ARHGAP42: variants seen among roughly 807,000 people sequenced by gnomAD.
ARHGAP42 encodes rho GTPase-activating protein 42.
ARHGAP42 carries 63 observed loss-of-function variants against 125.0 expected under a neutral mutation model. The ratio of observed to expected loss-of-function variants is 0.50; its 90% CI spans 0.41 to 0.62. ARHGAP42 has a LOEUF of 0.62. Among genes scored for constraint, ARHGAP42 ranks in the 20% least tolerant of loss-of-function variants. The pLI, the probability that ARHGAP42 is intolerant of heterozygous loss-of-function variation, is 0.00. For missense variants in ARHGAP42, 766 were observed against 1,024.2 expected, an observed-to-expected ratio of 0.75 and a Z score of 3.44; for synonymous variants, 339 against 351.0, an observed-to-expected ratio of 0.97 and a Z score of 0.38.
At chr11:100,750,662 A>G (rs1438026418) in intron 1 of ARHGAP42, among the ~76,000 whole-genome samples, 1 of 152,032 alleles carries the variant, frequency 6.6e-6, no homozygotes, top group Non-Finnish European at 1.5e-5. Flanking sequence ...TTTGGCGGGA[A>G]AAATGGTTAT....
intron 3 of ARHGAP42, among the ~76,000 whole-genome samples, chr11:100,798,331 G>C (rs1228582161): frequency 6.6e-6 from 1 of 152,186 alleles, no homozygotes; most frequent in East Asian, 1.9e-4. Context: ...GAAATTTTCT[G>C]TGAAAGGAAG....
At chr11:100,733,923 C>A (rs1591135777) in intron 1 of ARHGAP42, among the ~76,000 whole-genome samples, 1 of 141,674 alleles carries the variant, frequency 7.1e-6, no homozygotes, top group African/African-American at 2.6e-5. Flanking sequence ...CCTTCCAAAG[C>A]AAAGTTGTTT....
chr11:100,742,259 A>G (rs1862203843), intron 1 of ARHGAP42, among the ~76,000 whole-genome samples: 1 of 152,218 alleles, frequency 6.6e-6, no homozygotes. Flanking sequence ...ACTGATTGTC[A>G]AACTGGCATC....
chr11:100,769,193 A>C (rs1057108474), intron 1 of ARHGAP42, among the ~76,000 whole-genome samples: 3 of 152,178 alleles, frequency 2.0e-5, no homozygotes, highest in African/African-American at 7.2e-5. Flanking sequence ...GGGCAGCTAC[A>C]GTATAGTCTA....
At chr11:100,739,809 G>A (rs886072435) in intron 1 of ARHGAP42, among the ~76,000 whole-genome samples, 6 of 151,982 alleles carry the variant, frequency 3.9e-5, no homozygotes, top group Non-Finnish European at 8.8e-5. Context: ...TTGTTCCAAG[G>A]GTTCCTTACT....
At chr11:100,778,813 C>G (rs1309150582) in intron 2 of ARHGAP42, among the ~76,000 whole-genome samples, 1 of 152,158 alleles carries the variant, frequency 6.6e-6, no homozygotes, top group Non-Finnish European at 1.5e-5. Flanking sequence ...GAAAACTTGT[C>G]ATGTCACAAG....
chr11:100,872,155 T>A (rs1865712081), intron 4 of ARHGAP42, among the ~76,000 whole-genome samples: 1 of 152,242 alleles, frequency 6.6e-6, no homozygotes, highest in African/African-American at 2.4e-5. Flanking sequence ...AAATTGAATA[T>A]GAAGCCCCCA....
intron 4 of ARHGAP42, among the ~76,000 whole-genome samples, chr11:100,889,684 A>G (rs1043125287): frequency 6.6e-6 from 1 of 152,136 alleles, no homozygotes; most frequent in Non-Finnish European, 1.5e-5. Context: ...GTTTCTATTA[A>G]CCTATAGGTA....
intron 4 of ARHGAP42, among the ~76,000 whole-genome samples, chr11:100,902,962 T>C (rs1866593266): frequency 6.6e-6 from 1 of 152,108 alleles, no homozygotes; most frequent in South Asian, 2.1e-4. Flanking sequence ...CCGAGGTGTG[T>C]TGGTTTTGGA....
chr11:100,858,289 C>T (rs544144721), intron 3 of ARHGAP42, among the ~76,000 whole-genome samples: 4 of 152,178 alleles, frequency 2.6e-5, no homozygotes, highest in African/African-American at 7.2e-5. Context: ...GTGATGGATG[C>T]CAGTGGTATC....
At chr11:100,898,008 A>G (rs935921593) in intron 4 of ARHGAP42, among the ~76,000 whole-genome samples, 3 of 152,186 alleles carry the variant, frequency 2.0e-5, no homozygotes, top group Admixed American at 6.5e-5. Flanking sequence ...ATTTTGAGAT[A>G]CATCCCATCA....
At chr11:100,707,059 T>C (rs954782691) in intron 1 of ARHGAP42, among the ~76,000 whole-genome samples, 1 of 152,260 alleles carries the variant, frequency 6.6e-6, no homozygotes, top group Non-Finnish European at 1.5e-5. Flanking sequence ...GGTTCATCCA[T>C]ATTTAAACAT....
chr11:100,930,949 G>C lies in ARHGAP42; in HGVS notation c.598-2207G>C, dbSNP rs147661467. ...TCCTTATCCAAAATGCTTAGGACTA[G>C]AAGTGTTTCCGATTTTTTTCATATT... On this transcript the variant is annotated intron_variant, in intron 6 of 23. Transcript: ENST00000298815. 7.2e-3 allele frequency among the ~76,000 whole-genome samples: 1,101 copies of C among 152,258 alleles called. 17 individuals are homozygous for C. Among genetic ancestry groups the C allele is most frequent in the African/African-American group, 0.025 (1,030 of 41,554 alleles).
At chr11:100,826,834 C>G (rs964698169) in intron 3 of ARHGAP42, among the ~76,000 whole-genome samples, 2 of 151,946 alleles carry the variant, frequency 1.3e-5, no homozygotes, top group African/African-American at 4.8e-5. Flanking sequence ...CGTTGGTTTT[C>G]TATACAGAAG....
At chr11:100,709,780 T>A (rs1861531369) in intron 1 of ARHGAP42, among the ~76,000 whole-genome samples, 1 of 152,230 alleles carries the variant, frequency 6.6e-6, no homozygotes, top group South Asian at 2.1e-4. Context: ...GAAACCAGAA[T>A]GGGTTACATT....
At chr11:100,753,829 C>A (rs1862514466) in intron 1 of ARHGAP42, among the ~76,000 whole-genome samples, 1 of 152,190 alleles carries the variant, frequency 6.6e-6, no homozygotes, top group Non-Finnish European at 1.5e-5. Flanking sequence ...TGGAGGCAGT[C>A]TCTTCCTCTC....
chr11:100,945,205 G>A (rs1028691189), intron 10 of ARHGAP42, among the ~76,000 whole-genome samples: 1 of 152,040 alleles, frequency 6.6e-6, no homozygotes, highest in Non-Finnish European at 1.5e-5. Context: ...TGAGATTGCA[G>A]CAATAAAGTC....
intron 3 of ARHGAP42, among the ~76,000 whole-genome samples, chr11:100,837,638 AG>A (rs1189628339): frequency 1.4e-5 from 2 of 140,964 alleles, no homozygotes; most frequent in Non-Finnish European, 3.0e-5. Flanking sequence ...GGAAATTCAC[AG>A]GCAGTTCCCA....
At chr11:100,732,841 T>C (rs1314715024) in intron 1 of ARHGAP42, among the ~76,000 whole-genome samples, 7 of 152,254 alleles carry the variant, frequency 4.6e-5, no homozygotes, top group Non-Finnish European at 8.8e-5. Context: ...TCTGATTCTT[T>C]CTATGCTACT....
Sources: gnomAD v4.1 joint callset for allele counts (sites outside exome capture counted in the v4.1 genomes callset) on GRCh38, gnomAD v4.1.1 for gene constraint, MANE v1.5 for transcripts, NCBI Gene and HGNC (gene_info 2026-07-23, HGNC 2026-07-21) for gene names.